The following TSPAN15 variants were observed in gnomAD, a reference collection of about 807,000 sequenced individuals.
The protein encoded by TSPAN15 is tetraspanin-15.
TSPAN15 carries 20 observed loss-of-function variants against 34.5 expected under a neutral mutation model. That is an observed-to-expected ratio of 0.58 (90% confidence interval 0.41 to 0.84). The LOEUF is 0.84. TSPAN15 is among the 40% of genes least tolerant of loss of function. TSPAN15 has a pLI of 0.00. For missense variants in TSPAN15, 313 were observed against 386.1 expected, an observed-to-expected ratio of 0.81 and a Z score of 1.59; for synonymous variants, 155 against 153.9, an observed-to-expected ratio of 1.01 and a Z score of -0.05.
chr10:69,541,461 C>T, the TSPAN15 span, among the ~76,000 whole-genome samples: 285 of 152,264 alleles, frequency 1.9e-3, no homozygotes, highest in East Asian at 0.012. Flanking sequence ...CATGCAAGTC[C>T]GAAATCCCAT....
chr10:69,453,837 C>G (rs1841026431), intron 1 of TSPAN15, among the ~76,000 whole-genome samples: 1 of 152,250 alleles, frequency 6.6e-6, no homozygotes, highest in Admixed American at 6.5e-5. Flanking sequence ...TGGAATCCCT[C>G]CTCTGCCAAC....
intron 1 of TSPAN15, among the ~76,000 whole-genome samples, chr10:69,468,093 C>G (rs979864783): frequency 3.3e-5 from 5 of 152,128 alleles, no homozygotes; most frequent in Non-Finnish European, 7.3e-5. Flanking sequence ...AAAACTGTCC[C>G]CACCCATGAG....
the TSPAN15 span, among the ~76,000 whole-genome samples, chr10:69,541,380 GGCATT>G: frequency 1.3e-5 from 2 of 151,978 alleles, no homozygotes; most frequent in African/African-American, 4.8e-5. Flanking sequence ...CCTACATACA[GGCATT>G]TGGTACAGGC....
intron 1 of TSPAN15, among the ~76,000 whole-genome samples, chr10:69,459,085 T>TG (rs1841180890): frequency 9.8e-6 from 1 of 102,510 alleles, no homozygotes; most frequent in Admixed American, 1.2e-4. Flanking sequence ...AAGAGGTTGA[T>TG]GGGGGGAAAA....
chr10:69,522,656 A>G, the TSPAN15 span, among the ~76,000 whole-genome samples: 1 of 147,146 alleles, frequency 6.8e-6, no homozygotes, highest in Non-Finnish European at 1.5e-5. Flanking sequence ...TGATTCTTAT[A>G]GGAATGCAAA....
chr10:69,496,326 TA>T (rs1175280534), intron 4 of TSPAN15, among the ~76,000 whole-genome samples: 2 of 50,580 alleles, frequency 4.0e-5, no homozygotes. Flanking sequence ...GGTGCAATAA[TA>T]ATAATAATAA....
At chr10:69,535,451 C>G in the TSPAN15 span, among the ~76,000 whole-genome samples, 1 of 152,140 alleles carries the variant, frequency 6.6e-6, no homozygotes, top group East Asian at 1.9e-4. Flanking sequence ...ACCAATTTGT[C>G]TTTTTTGGAG....
At chr10:69,485,040 G>T in intron 2 of TSPAN15, 101 bp from the exon 3 acceptor site, 2 of 1,143,954 alleles carry the variant, frequency 1.7e-6, no homozygotes. Context: ...CCCGAGGGAT[G>T]CTTCTCTTTG....
the TSPAN15 span, among the ~76,000 whole-genome samples, chr10:69,526,194 A>G: frequency 1.4e-5 from 2 of 147,680 alleles, no homozygotes; most frequent in African/African-American, 2.5e-5. Context: ...GTGCAACTCT[A>G]TGGCAGTAGA....
the TSPAN15 span, among the ~76,000 whole-genome samples, chr10:69,513,900 G>GT: frequency 6.6e-6 from 1 of 152,310 alleles, no homozygotes; most frequent in East Asian, 1.9e-4. Context: ...GTATCTGTAG[G>GT]TTTACTTCTG....
chr10:69,473,749 C>G (rs1044311632), intron 1 of TSPAN15, among the ~76,000 whole-genome samples: 1 of 152,104 alleles, frequency 6.6e-6, no homozygotes, highest in Non-Finnish European at 1.5e-5. Flanking sequence ...TCCCTTTCCC[C>G]TTTGTCCTCT....
At chr10:69,475,696 G>C (rs1841600615) in intron 1 of TSPAN15, among the ~76,000 whole-genome samples, 1 of 152,180 alleles carries the variant, frequency 6.6e-6, no homozygotes, top group East Asian at 1.9e-4. Context: ...CTTAAATCAA[G>C]TATCTGCAAC....
At chr10:69,484,162 C>A in intron 2 of TSPAN15, 2 of 322,234 alleles carry the variant, frequency 6.2e-6, no homozygotes, top group Non-Finnish European at 1.1e-5. Flanking sequence ...CAAGCAAAGA[C>A]AAAAAAAGGA....
chr10:69,493,287 C>T (rs1221773151), intron 3 of TSPAN15, among the ~76,000 whole-genome samples: 1 of 152,198 alleles, frequency 6.6e-6, no homozygotes, highest in Non-Finnish European at 1.5e-5. Flanking sequence ...GGGGCCAGTG[C>T]CAGGTCCGCG....
chr10:69,543,905 G>A, the TSPAN15 span, among the ~76,000 whole-genome samples: 5 of 133,634 alleles, frequency 3.7e-5, no homozygotes, highest in East Asian at 6.7e-4. Context: ...GTGTGTGTAG[G>A]GAGGCTCCCA....
chr10:69,535,206 C>G, the TSPAN15 span, among the ~76,000 whole-genome samples: 490 of 152,178 alleles, frequency 3.2e-3, 4 homozygotes, highest in Middle Eastern at 0.01. Context: ...ATAAACCAGG[C>G]TTTTAGAGAA....
At position 69,455,532 on chromosome 10, in the gene TSPAN15, CTCTTTCTT is replaced by C. The variant is rs763076324; in HGVS notation, c.96+3851_96+3858del. On this transcript the variant is annotated intron_variant, in intron 1 of 7. Coordinates refer to ENST00000373290, the MANE Select transcript of TSPAN15 (RefSeq NM_012339.5). ...AGTCTTTCTTTCCCTCTCTTTCTTT[CTCTTTCTT>C]TCTTTCTTCTCTCTCTCTCTTTCTT... Among the ~76,000 whole-genome samples, 2 of 147,474 alleles carry C rather than the reference CTCTTTCTT, an allele frequency of 1.4e-5. 1 individual carries two copies. The highest frequency in any genetic ancestry group is 3.0e-5 in the Non-Finnish European group (2 of 66,530).
intron 1 of TSPAN15, among the ~76,000 whole-genome samples, chr10:69,480,452 C>A (rs568343149): frequency 6.6e-6 from 1 of 152,166 alleles, no homozygotes; most frequent in Non-Finnish European, 1.5e-5. Context: ...TTACGCTTTT[C>A]ATCAAAATGG....
At chr10:69,540,578 A>C in the TSPAN15 span, among the ~76,000 whole-genome samples, 52,135 of 151,902 alleles carry the variant, frequency 0.34, 9,252 homozygotes, top group East Asian at 0.45. Flanking sequence ...GAATGTGGCA[A>C]CTGAAGTTTT....
Sources: allele counts gnomAD v4.1 joint callset (sites outside exome capture counted in the v4.1 genomes callset), GRCh38; gene constraint gnomAD v4.1.1; transcripts MANE v1.5; gene names NCBI Gene and HGNC (gene_info 2026-07-23, HGNC 2026-07-21).